GTF2H3: variants seen among roughly 807,000 people sequenced by gnomAD.
The protein encoded by GTF2H3 is general transcription factor IIH subunit 3.
Under a neutral mutation model 51.1 loss-of-function variants are expected in GTF2H3, and 42 were observed. The ratio of observed to expected loss-of-function variants is 0.82; its 90% CI spans 0.64 to 1.06. The LOEUF is 1.06. GTF2H3 is among the 50% of genes least tolerant of loss of function. The pLI, the probability that GTF2H3 is intolerant of heterozygous loss-of-function variation, is 0.00. For synonymous variants in GTF2H3, 123 were observed against 123.8 expected, an observed-to-expected ratio of 0.99 and a Z score of 0.04; for missense variants, 326 against 366.1, an observed-to-expected ratio of 0.89 and a Z score of 0.89.
intron 1 of GTF2H3, among the ~76,000 whole-genome samples, chr12:123,638,158 C>T (rs769509107): frequency 1.3e-5 from 2 of 151,448 alleles, no homozygotes; most frequent in Admixed American, 6.6e-5. Context: ...CCACCATGCC[C>T]GGCTATTTTT....
At chr12:123,643,197 A>AT (rs1343607629) in intron 2 of GTF2H3, among the ~76,000 whole-genome samples, 1 of 152,182 alleles carries the variant, frequency 6.6e-6, no homozygotes, top group Non-Finnish European at 1.5e-5. Flanking sequence ...TCATTTTTCA[A>AT]TTAGCTATGG....
At chr12:123,647,886 C>T in intron 3 of GTF2H3, 77 bp from the exon 4 acceptor site, 1 of 967,226 alleles carries the variant, frequency 1.0e-6, no homozygotes, top group Non-Finnish European at 1.5e-6. Flanking sequence ...GTTGCCTCTG[C>T]TGAATTTCAT....
Position 123,659,839 on chromosome 12 carries a change from C to G in GTF2H3, c.729C>G (p.Leu243=). ...AAGATCAGAGATCTCAGTTAATCCT[C>G]CCACCCCCAGTTCATGTTGACTACA... ...PDQDQRSQLI[L]PPPVHVDYRA... The change falls in exon 11 of 13, where the codon CTC becomes CTG. Residue 243 remains leucine, a synonymous_variant. Coordinates refer to ENST00000543341, the MANE Select transcript of GTF2H3 (RefSeq NM_001516.5). The G allele has an allele frequency of 6.2e-7, 1 of 1,613,432 alleles. No homozygotes were observed. The highest frequency in any genetic ancestry group is 1.3e-5 in the African/African-American group (1 of 74,998).
intron 7 of GTF2H3, 25 bp from the exon 8 acceptor site, chr12:123,654,899 G>A (rs1282052835): frequency 1.3e-6 from 2 of 1,557,182 alleles, no homozygotes; most frequent in Admixed American, 1.7e-5. Context: ...TGCCTGGGTG[G>A]AATTAACATG....
chr12:123,659,855 G>A lies in GTF2H3; in HGVS notation c.745G>A (p.Val249Ile), dbSNP rs1321582541. ...GTTAATCCTCCCACCCCCAGTTCAT[G>A]TTGACTACAGGGCTGCTTGCTTCTG... Reference protein sequence around the residue: ...SQLILPPPVHVDYRAACFCHR... With the variant: ...SQLILPPPVHIDYRAACFCHR... The change falls in exon 11 of 13, where the codon GTT (valine) becomes ATT (isoleucine). Residue 249 changes from valine (V) to isoleucine (I), a missense_variant. Transcript: ENST00000543341. The A allele has an allele frequency of 1.9e-6, 3 of 1,613,850 alleles. No homozygotes were observed. Among genetic ancestry groups the A allele is most frequent in the South Asian group, 2.2e-5 (2 of 91,076 alleles).
chr12:123,651,145 T>C, intron 5 of GTF2H3, 89 bp downstream of exon 5: 1 of 890,752 alleles, frequency 1.1e-6, no homozygotes, highest in Non-Finnish European at 1.9e-6. Context: ...TGGGTGCCCA[T>C]TACTGGGACA....
intron 7 of GTF2H3, among the ~76,000 whole-genome samples, chr12:123,653,390 G>A (rs1326206992): frequency 6.6e-6 from 1 of 151,746 alleles, no homozygotes; most frequent in Non-Finnish European, 1.5e-5. Context: ...GGCTGAGCAC[G>A]GTGGCTCACT....
At chr12:123,642,157 A>G (rs1270408369) in intron 2 of GTF2H3, among the ~76,000 whole-genome samples, 1 of 134,436 alleles carries the variant, frequency 7.4e-6, no homozygotes, top group Non-Finnish European at 1.6e-5. Flanking sequence ...CCCAGCCTTC[A>G]GTTATTTTCT....
intron 1 of GTF2H3, 92 bp from the exon 2 acceptor site, chr12:123,639,172 C>A: frequency 1.4e-6 from 1 of 694,956 alleles, no homozygotes. Flanking sequence ...TATAGTGGTG[C>A]TCTGGATTTA....
At chr12:123,634,499 A>C (rs932678142) in intron 1 of GTF2H3, among the ~76,000 whole-genome samples, 1 of 152,230 alleles carries the variant, frequency 6.6e-6, no homozygotes, top group Non-Finnish European at 1.5e-5. Flanking sequence ...AAGATGATGT[A>C]ACAGTACGGT....
intron 2 of GTF2H3, 105 bp downstream of exon 2, chr12:123,639,448 AT>A (rs1955336438): frequency 4.7e-6 from 3 of 637,222 alleles, no homozygotes; most frequent in Non-Finnish European, 5.7e-6. Context: ...ATACTGTAAT[AT>A]TCAGCCACTG....
chr12:123,648,300 C>A (rs905510596), intron 4 of GTF2H3, 174 bp downstream of exon 4: 2 of 476,006 alleles, frequency 4.2e-6, no homozygotes, highest in East Asian at 7.1e-5. Flanking sequence ...CAGCATTTGA[C>A]GCTGCTGAGC....
At chr12:123,639,132 A>G (rs533753292) in intron 1 of GTF2H3, 132 bp from the exon 2 acceptor site, 6 of 574,990 alleles carry the variant, frequency 1.0e-5, no homozygotes, top group African/African-American at 5.6e-5. Flanking sequence ...TGTTAATCTC[A>G]TAATTATAAG....
Position 123,659,802 on chromosome 12 carries a change from T to G in GTF2H3, c.692T>G (p.Phe231Cys). ...TGTTTGTTTGTTTTACAGTGGGTGT[T>G]TCTTCCCGATCAAGATCAGAGATCT... ...PSLLQYLLWV[F>C]LPDQDQRSQL... is the part of the protein sequence containing the mutation. The change falls in exon 11 of 13, where the codon TTT becomes TGT. Residue 231 changes from phenylalanine to cysteine, a missense_variant. Physicochemically the swap from Phe to Cys is radical, Grantham distance 205. Transcript: ENST00000543341. 6.2e-7 allele frequency: 1 copy of G among 1,611,740 alleles called. No individual in the cohort carries two copies. The highest frequency in any genetic ancestry group is 1.1e-5 in the South Asian group (1 of 90,274).
Position 123,659,777 on chromosome 12 carries a change from T to G in GTF2H3, c.685-18T>G. Reference sequence around the variant, plus strand: ...CCATGTTTTAAATAAAAGTTTCTTTTGTTTGTTTGTTTTACAGTGGGTGTT... The same window carrying G: ...CCATGTTTTAAATAAAAGTTTCTTTGGTTTGTTTGTTTTACAGTGGGTGTT... On this transcript the variant is annotated intron_variant, in intron 10 of 12. Coordinates refer to ENST00000543341, the MANE Select transcript of GTF2H3 (RefSeq NM_001516.5). 1 of 1,599,832 alleles carries G rather than the reference T, an allele frequency of 6.3e-7. No individual in the cohort carries two copies. Among genetic ancestry groups the G allele is most frequent in the South Asian group, 1.1e-5 (1 of 88,454 alleles).
At chr12:123,652,916 CAAA>C in intron 7 of GTF2H3, among the ~76,000 whole-genome samples, 181 bp downstream of exon 7, 1 of 151,476 alleles carries the variant, frequency 6.6e-6, no homozygotes, top group Non-Finnish European at 1.5e-5. Flanking sequence ...CGTCTCTACT[CAAA>C]ATACAAAAAT....
At chr12:123,647,497 T>C (rs1045521922) in intron 3 of GTF2H3, among the ~76,000 whole-genome samples, 1 of 151,902 alleles carries the variant, frequency 6.6e-6, no homozygotes, top group Admixed American at 6.6e-5. Context: ...CATGAATCAC[T>C]GGGAGAATCT....
chr12:123,660,948 A>G lies in GTF2H3; in HGVS notation c.*713A>G, dbSNP rs1263902193. The G allele has an allele frequency of 6.6e-6, 1 of 151,954 alleles. No homozygotes were observed. The highest frequency in any genetic ancestry group is 2.4e-5 in the African/African-American group (1 of 41,340). 9.4% of individuals were successfully genotyped at this position (151,954 alleles called of 1,614,324 possible). ...AGGGAGAACTTACTGGAGAAAATGG[A>G]CTCTATGTTAAGTATGGTTTTCAGA... is the stretch of plus-strand genomic sequence containing the variant. On this transcript the variant is annotated 3_prime_UTR_variant, in exon 13 of 13. Transcript: ENST00000543341.
At chr12:123,649,093 A>C (rs1955488048) in intron 4 of GTF2H3, 1 of 152,366 alleles carries the variant, frequency 6.6e-6, no homozygotes, top group Non-Finnish European at 1.5e-5. Flanking sequence ...CAGCCTCCCA[A>C]GTAGCTGGGA....
Sources: gnomAD v4.1 joint callset for allele counts (sites outside exome capture counted in the v4.1 genomes callset) on GRCh38, gnomAD v4.1.1 for gene constraint, MANE v1.5 for transcripts, NCBI Gene and HGNC (gene_info 2026-07-23, HGNC 2026-07-21) for gene names.